LY86: variants seen among roughly 807,000 people sequenced by gnomAD.
LY86 encodes lymphocyte antigen 86, also known as MD-1, RP105-associated.
Under a neutral mutation model 17.3 loss-of-function variants are expected in LY86, and 20 were observed. The observed-to-expected ratio is 1.15, with a 90% CI of 0.81 to 1.68. The LOEUF is 1.68. Among genes scored for constraint, LY86 ranks in the 40% most tolerant of loss-of-function variants. LY86 has a pLI of 0.00. For synonymous variants in LY86, 74 were observed against 70.6 expected, an observed-to-expected ratio of 1.05 and a Z score of -0.24; for missense variants, 200 against 191.9, an observed-to-expected ratio of 1.04 and a Z score of -0.25.
At chr6:6,642,898 G>C (rs926379224) in intron 3 of LY86, among the ~76,000 whole-genome samples, 1 of 152,188 alleles carries the variant, frequency 6.6e-6, no homozygotes. Context: ...CTCTTGGTTG[G>C]TCTGGAACAT....
intron 1 of LY86, among the ~76,000 whole-genome samples, chr6:6,605,655 G>T (rs1761096570): frequency 1.3e-5 from 2 of 152,234 alleles, no homozygotes; most frequent in South Asian, 4.1e-4. Context: ...ATGTTCTACT[G>T]TGTCTGGAAT....
chr6:6,615,403 T>C lies in LY86; in HGVS notation c.137-9523T>C, dbSNP rs576776408. Among the ~76,000 whole-genome samples the C allele has an allele frequency of 2.0e-4, 31 of 152,312 alleles. 1 individual carries two copies. In the South Asian group the frequency reaches 6.4e-3, roughly 32 times the overall value. On this transcript the variant is annotated intron_variant, in intron 1 of 4. Transcript: ENST00000230568. ...GGCCCCAACTGACATCTAGGTTTCA[T>C]CTCAGAAATATCTATTTAACTTAAA...
In LY86 at chr6:6,654,932, T is replaced by C. The variant is rs1762238376; in HGVS notation, c.*305T>C. 1.8e-5 allele frequency: 6 copies of C among 329,412 alleles called. No individual in the cohort carries two copies. The highest frequency in any genetic ancestry group is 3.3e-5 in the Non-Finnish European group (6 of 181,154). 20.4% of individuals were successfully genotyped at this position (329,412 alleles called of 1,614,324 possible). A position where few individuals can be genotyped will look rare whatever the true frequency, so the allele number is the denominator to read the frequency against. On this transcript the variant is annotated 3_prime_UTR_variant, in exon 5 of 5. Transcript: ENST00000230568. ...CACCAGACTCACCTGCTTTTCAACTTTTTAGGAGTGCTTCCTCACAGTTAC... is the reference window on the plus strand; with the variant it reads ...CACCAGACTCACCTGCTTTTCAACTCTTTAGGAGTGCTTCCTCACAGTTAC...
chr6:6,592,078 A>C (rs562933910), intron 1 of LY86, among the ~76,000 whole-genome samples: 76 of 152,330 alleles, frequency 5.0e-4, no homozygotes, highest in African/African-American at 1.7e-3. Flanking sequence ...TTTGAGGCTG[A>C]AAATAGGGTT....
chr6:6,620,509 G>A (rs912014948), intron 1 of LY86, among the ~76,000 whole-genome samples: 2 of 152,144 alleles, frequency 1.3e-5, no homozygotes, highest in African/African-American at 2.4e-5. Flanking sequence ...CAAGCTTTCC[G>A]GCTGCCTGAA....
At chr6:6,613,721 C>T (rs1761469101) in intron 1 of LY86, among the ~76,000 whole-genome samples, 2 of 152,236 alleles carry the variant, frequency 1.3e-5, no homozygotes, top group Admixed American at 1.3e-4. Context: ...CTGAAGGGCT[C>T]CTCAAGCGCG....
chr6:6,648,616 A>T (rs1762140937), intron 3 of LY86, among the ~76,000 whole-genome samples: 1 of 152,180 alleles, frequency 6.6e-6, no homozygotes, highest in Non-Finnish European at 1.5e-5. Flanking sequence ...CACCCTGTGG[A>T]ACATGGTGCC....
At chr6:6,624,647 A>G (rs1035724663) in intron 1 of LY86, among the ~76,000 whole-genome samples, 1 of 152,208 alleles carries the variant, frequency 6.6e-6, no homozygotes, top group Non-Finnish European at 1.5e-5. Context: ...AACATTTTCT[A>G]TGATAAAAAC....
chr6:6,633,031 G>T (rs17142407), intron 3 of LY86, among the ~76,000 whole-genome samples: 34,665 of 152,124 alleles, frequency 0.23, 6,216 homozygotes, highest in African/African-American at 0.51. Flanking sequence ...TCTCAATGAG[G>T]TTCATTTTGT....
At chr6:6,601,429 A>C (rs1760904434) in intron 1 of LY86, among the ~76,000 whole-genome samples, 1 of 152,214 alleles carries the variant, frequency 6.6e-6, no homozygotes, top group Non-Finnish European at 1.5e-5. Context: ...AGCAGTTGCA[A>C]TATACACTAG....
intron 4 of LY86, 133 bp from the exon 5 acceptor site, chr6:6,654,411 G>C (rs1415539101): frequency 3.0e-6 from 2 of 674,776 alleles, no homozygotes; most frequent in Admixed American, 2.4e-5. Context: ...GCAGGGGTTG[G>C]CTTGTCTTGT....
At chr6:6,602,296 C>G (rs533255598) in intron 1 of LY86, among the ~76,000 whole-genome samples, 1 of 152,304 alleles carries the variant, frequency 6.6e-6, no homozygotes, top group East Asian at 1.9e-4. Context: ...ATTTGAACAC[C>G]TGGAATTGCT....
chr6:6,641,035 A>G (rs933023538), intron 3 of LY86, among the ~76,000 whole-genome samples: 1 of 152,252 alleles, frequency 6.6e-6, no homozygotes, highest in Non-Finnish European at 1.5e-5. Flanking sequence ...AACTCACATT[A>G]TACAGTTATG....
chr6:6,627,302 G>T (rs1468419904), intron 3 of LY86, among the ~76,000 whole-genome samples: 1 of 152,288 alleles, frequency 6.6e-6, no homozygotes, highest in Non-Finnish European at 1.5e-5. Context: ...CTTGTGAAAT[G>T]CTGCAATTAC....
chr6:6,606,732 T>G (rs983738695), intron 1 of LY86, among the ~76,000 whole-genome samples: 2 of 152,204 alleles, frequency 1.3e-5, no homozygotes, highest in Admixed American at 1.3e-4. Flanking sequence ...CGGGGCCCGC[T>G]GAGCCCACGC....
intron 1 of LY86, among the ~76,000 whole-genome samples, chr6:6,617,304 T>C (rs926989723): frequency 1.3e-5 from 2 of 152,128 alleles, no homozygotes; most frequent in Non-Finnish European, 2.9e-5. Flanking sequence ...TATTAGACAG[T>C]TAAGAAACAT....
chr6:6,603,786 T>C (rs900064532), intron 1 of LY86, among the ~76,000 whole-genome samples: 7 of 151,958 alleles, frequency 4.6e-5, no homozygotes, highest in African/African-American at 9.7e-5. Context: ...GATGGAAAGT[T>C]GATCCCTCCA....
At chr6:6,594,636 C>G (rs1217588537) in intron 1 of LY86, among the ~76,000 whole-genome samples, 3 of 152,186 alleles carry the variant, frequency 2.0e-5, no homozygotes, top group Non-Finnish European at 4.4e-5. Context: ...ATTCTACCCA[C>G]AGAGAGGCTG....
intron 3 of LY86, among the ~76,000 whole-genome samples, chr6:6,629,931 A>G (rs955346369): frequency 1.3e-5 from 2 of 152,240 alleles, no homozygotes; most frequent in African/African-American, 4.8e-5. Flanking sequence ...TTACTAAATT[A>G]CATGAAAATA....
Sources: gnomAD v4.1 joint callset for allele counts (sites outside exome capture counted in the v4.1 genomes callset) on GRCh38, gnomAD v4.1.1 for gene constraint, MANE v1.5 for transcripts, NCBI Gene and HGNC (gene_info 2026-07-23, HGNC 2026-07-21) for gene names.